The following NEIL1 variants were observed in gnomAD, a reference collection of about 807,000 sequenced individuals.
The protein encoded by NEIL1 is endonuclease 8-like 1.
In NEIL1, 31 loss-of-function variants were observed where a neutral mutation model predicts 44.2. The ratio of observed to expected loss-of-function variants is 0.70; its 90% confidence interval spans 0.53 to 0.95. NEIL1 has a LOEUF of 0.95. NEIL1 is among the 40% of genes least tolerant of loss of function. NEIL1 has a pLI of 0.00. For missense variants in NEIL1, 549 were observed against 515.5 expected, an observed-to-expected ratio of 1.07 and a Z score of -0.63; for synonymous variants, 254 against 209.7, an observed-to-expected ratio of 1.21 and a Z score of -1.83.
rs576861338 is a variant in NEIL1, at chr15:75,352,356, C to T, written c.587C>T (p.Ser196Leu). 25 of 1,613,936 alleles carry T rather than the reference C, an allele frequency of 1.5e-5. No homozygotes were observed. The highest frequency in any genetic ancestry group is 2.2e-5 in the East Asian group (1 of 44,896). The change falls in exon 4 of 10, where the codon TCG (serine) becomes TTG (leucine). Residue 196 changes from serine (S) to leucine (L), a missense_variant. Transcript: ENST00000355059. Reference sequence around the variant, plus strand: ...ATCCCCCCCTTTGAGAAGGCCCGCTCGGTCCTGGAGGCCCTGCAGCAGCAC... The same window carrying T: ...ATCCCCCCCTTTGAGAAGGCCCGCTTGGTCCTGGAGGCCCTGCAGCAGCAC... The part of the protein sequence containing the change: ...LKIPPFEKAR[S>L]VLEALQQHRP...
At position 75,355,945 on chromosome 15, in the gene NEIL1, C is replaced by A. The variant is rs2072278296; in HGVS notation, c.*911C>A. On this transcript the variant is annotated 3_prime_UTR_variant, in exon 10 of 10. Transcript: ENST00000355059. Reference sequence around the variant, plus strand: ...GCTGAAGCACGAGCAACAGGGACAGCACTTGGAAGGGAGAAAAGGTGAGCT... The same window carrying A: ...GCTGAAGCACGAGCAACAGGGACAGAACTTGGAAGGGAGAAAAGGTGAGCT... 3 of 1,614,088 alleles carry A rather than the reference C, an allele frequency of 1.9e-6. No individual in the cohort carries two copies. Among genetic ancestry groups the A allele is most frequent in the East Asian group, 4.5e-5 (2 of 44,894 alleles).
At chr15:75,348,315 C>G (rs913913088) in intron 1 of NEIL1, 26 of 986,010 alleles carry the variant, frequency 2.6e-5, no homozygotes, top group Middle Eastern at 5.2e-4. Context: ...CCAGGCCGAG[C>G]TTCGCTCTTT....
chr15:75,348,858 C>T (rs1426379891), intron 1 of NEIL1, 26 bp from the exon 2 acceptor site: 1 of 1,592,250 alleles, frequency 6.3e-7, no homozygotes, highest in Admixed American at 1.7e-5. Flanking sequence ...ACACCGGGCT[C>T]AACCCGCTGC....
In NEIL1 at chr15:75,353,785, C is replaced by T. The variant is rs1284603779; in HGVS notation, c.765C>T (p.Ala255=). Residue 255 remains alanine (A), a synonymous_variant, in exon 6 of 10, where the codon GCC becomes GCT. Transcript: ENST00000355059. ...GSESGEEDFA[A]FRAWLRCYGM... ...AGAGCGGGGAGGAGGACTTTGCTGC[C>T]TTTCGAGCCTGGCTGCGCTGCTATG... 3.1e-6 allele frequency: 5 copies of T among 1,613,982 alleles called. No homozygotes were observed. The highest frequency in any genetic ancestry group is 4.2e-6 in the Non-Finnish European group (5 of 1,180,012).
chr15:75,347,770 G>A (rs907504950), intron 1 of NEIL1: 10 of 1,104,104 alleles, frequency 9.1e-6, no homozygotes, highest in Admixed American at 8.1e-5. Context: ...GATTAACCGA[G>A]GACAGGGTCG....
At chr15:75,354,073 T>C in intron 6 of NEIL1, 177 bp from the exon 7 acceptor site, 4 of 1,017,428 alleles carry the variant, frequency 3.9e-6, no homozygotes, top group Non-Finnish European at 5.9e-6. Context: ...CAAGTGAAAG[T>C]AGCCAAGGGC....
At chr15:75,347,682 G>T (rs979925075) in intron 1 of NEIL1, 4 of 426,956 alleles carry the variant, frequency 9.4e-6, no homozygotes, top group Non-Finnish European at 1.3e-5. Flanking sequence ...GGGGCGTGCA[G>T]GATCGGGTTG....
In NEIL1 at chr15:75,355,256, C is replaced by A; in HGVS notation, c.*222C>A. 1 of 533,482 alleles carries A rather than the reference C, an allele frequency of 1.9e-6. No homozygotes were observed. Among genetic ancestry groups the A allele is most frequent in the Non-Finnish European group, 3.3e-6 (1 of 299,046 alleles). The allele number at this position is 533,482 out of a possible 1,614,324, so 33.0% of individuals were successfully genotyped here. A position where few individuals can be genotyped will look rare whatever the true frequency, so the allele number is the denominator to read the frequency against. On this transcript the variant is annotated 3_prime_UTR_variant, in exon 10 of 10. Transcript: ENST00000355059. ...AAACTGATACATTTGAACTTCTTGG[C>A]ACCTCTTGGTCTGAGATGGCCAGGT...
intron 8 of NEIL1, 63 bp from the exon 9 acceptor site, chr15:75,354,590 G>A (rs1431100876): frequency 6.2e-7 from 1 of 1,612,698 alleles, no homozygotes; most frequent in East Asian, 2.2e-5. Flanking sequence ...GGGAGTGGTG[G>A]GCCCTAACCA....
At position 75,349,056 on chromosome 15, in the gene NEIL1, G is replaced by A. The variant is rs748765343; in HGVS notation, c.151G>A (p.Ala51Thr). 2 of 1,613,522 alleles carry A rather than the reference G, an allele frequency of 1.2e-6. No individual in the cohort carries two copies. The highest frequency in any genetic ancestry group is 1.1e-5 in the South Asian group (1 of 91,092). ...ESSAYRISASARGKELRLILS... is the reference protein window; with the variant it reads ...ESSAYRISASTRGKELRLILS... Reference sequence around the variant, plus strand: ...CAGTGCCTACCGCATCTCAGCTTCAGCCCGCGGCAAGGAGCTGCGCCTGAT... The same window carrying A: ...CAGTGCCTACCGCATCTCAGCTTCAACCCGCGGCAAGGAGCTGCGCCTGAT... The change falls in exon 2 of 10, where the codon GCC becomes ACC. Residue 51 changes from alanine (A) to threonine (T), a missense_variant. By Grantham distance (58) the Ala-to-Thr change is moderately conservative (BLOSUM62 0). Coordinates refer to ENST00000355059, the MANE Select transcript of NEIL1 (RefSeq NM_024608.4).
At position 75,356,102 on chromosome 15, in the gene NEIL1, C is replaced by T. The variant is rs1291436542; in HGVS notation, c.*1068C>T. ...CGACCCCCGCCCCAATCCCACACCG[C>T]CACTCACAGGATGGCCTCCTGAACC... On this transcript the variant is annotated 3_prime_UTR_variant, in exon 10 of 10. Coordinates refer to ENST00000355059, the MANE Select transcript of NEIL1 (RefSeq NM_024608.4). This position sits in a 1 kb window ranked among gnomAD's most constrained non-coding sequence, Gnocchi z 5.8. 1.9e-6 allele frequency: 3 copies of T among 1,613,904 alleles called. No homozygotes were observed. Among genetic ancestry groups the T allele is most frequent in the Non-Finnish European group, 2.5e-6 (3 of 1,179,966 alleles).
chr15:75,355,737 T>G lies in NEIL1; in HGVS notation c.*703T>G. 8.7e-6 allele frequency: 3 copies of G among 343,582 alleles called. No individual in the cohort carries two copies. The highest frequency in any genetic ancestry group is 1.7e-5 in the Non-Finnish European group (3 of 177,174). The allele number at this position is 343,582 out of a possible 1,614,324, so 21.3% of individuals were successfully genotyped here. A position where few individuals can be genotyped will look rare whatever the true frequency, so the allele number is the denominator to read the frequency against. ...CCTGGGAAGCCATCCCACCCCAGAC[T>G]TCCCACCCCCACCCCAAGCGTGAGG... On this transcript the variant is annotated 3_prime_UTR_variant, in exon 10 of 10. Coordinates refer to ENST00000355059, the MANE Select transcript of NEIL1 (RefSeq NM_024608.4).
chr15:75,347,595 G>C (rs890020951), intron 1 of NEIL1, 122 bp downstream of exon 1: 1 of 166,064 alleles, frequency 6.0e-6, no homozygotes, highest in Non-Finnish European at 1.3e-5. Context: ...CGCGCTCCCG[G>C]GCACCGCCCG....
chr15:75,356,409 G>C lies in NEIL1; in HGVS notation c.*1375G>C, dbSNP rs770333226. ...GCAGAGCCAACAGGGGGAAGTTTAGGCTGTAGGCAGCTTGGATAACGCCAG... is the reference window on the plus strand; with the variant it reads ...GCAGAGCCAACAGGGGGAAGTTTAGCCTGTAGGCAGCTTGGATAACGCCAG... On this transcript the variant is annotated 3_prime_UTR_variant, in exon 10 of 10. Transcript: ENST00000355059. The surrounding 1 kb of genome is among the most constrained non-coding windows in gnomAD (Gnocchi z 5.8). 1 of 1,609,208 alleles carries C rather than the reference G, an allele frequency of 6.2e-7. No homozygotes were observed. Among genetic ancestry groups the C allele is most frequent in the Non-Finnish European group, 8.5e-7 (1 of 1,178,284 alleles).
intron 2 of NEIL1, chr15:75,351,373 T>G: frequency 2.5e-6 from 1 of 406,000 alleles, no homozygotes; most frequent in Non-Finnish European, 4.8e-6. Context: ...CCTCCAGGGC[T>G]CAGGTGATTC....
Position 75,348,048 on chromosome 15 carries a change from C to G in NEIL1, c.-23+575C>G, listed in dbSNP as rs750447601. ...GGAGGTGAGGAGTCGATACCCCCCA[C>G]CCCAGGGACCAGGCGCTGCCGCGGG... is the stretch of plus-strand genomic sequence containing the variant. On this transcript the variant is annotated intron_variant, in intron 1 of 9. Transcript: ENST00000355059. 1.2e-5 allele frequency: 13 copies of G among 1,091,756 alleles called. 1 individual carries two copies. The highest frequency in any genetic ancestry group is 2.3e-6 in the Non-Finnish European group (2 of 875,148). 67.6% of individuals were successfully genotyped at this position (1,091,756 alleles called of 1,614,324 possible).
At chr15:75,352,769 T>G in intron 5 of NEIL1, 68 bp downstream of exon 5, 1 of 1,267,166 alleles carries the variant, frequency 7.9e-7, no homozygotes, top group South Asian at 1.3e-5. Context: ...CACTTGTCCC[T>G]CTCTGGACCT....
chr15:75,354,720 C>G lies in NEIL1; in HGVS notation c.1004C>G (p.Thr335Ser). The G allele has an allele frequency of 6.2e-7, 1 of 1,614,172 alleles. No individual in the cohort carries two copies. Among genetic ancestry groups the G allele is most frequent in the Non-Finnish European group, 8.5e-7 (1 of 1,180,036 alleles). ...GCAAAGAGAGACCTTCCTAAGAGGA[C>G]TGCAACCCAGCGGCCTGAGGGGACC... ...RRAKRDLPKRTATQRPEGTSL... is the reference protein window; with the variant it reads ...RRAKRDLPKRSATQRPEGTSL... The change falls in exon 9 of 10, where the codon ACT becomes AGT. Residue 335 changes from threonine (T) to serine (S), a missense_variant. Transcript: ENST00000355059.
intron 1 of NEIL1, chr15:75,347,990 G>C (rs2071571678): frequency 8.2e-7 from 1 of 1,220,180 alleles, no homozygotes. Context: ...CGAACCGCCC[G>C]GGGACAGAGG....
Sources: allele counts gnomAD v4.1 joint callset, GRCh38; gene constraint gnomAD v4.1.1; non-coding constraint Gnocchi (gnomAD v3.1); transcripts MANE v1.5; gene names NCBI Gene and HGNC (gene_info 2026-07-23, HGNC 2026-07-21).